CSNK2A2IP: variants seen among roughly 807,000 people sequenced by gnomAD.
CSNK2A2IP encodes casein kinase 2 subunit alpha' interacting protein.
the CSNK2A2IP span, among the ~76,000 whole-genome samples, chr3:88,455,029 T>C: frequency 1.5e-4 from 23 of 152,084 alleles, no homozygotes; most frequent in East Asian, 4.1e-3. Flanking sequence ...TAATGTCTTC[T>C]GGCCTTATCC....
chr3:88,449,504 A>G, the CSNK2A2IP span, among the ~76,000 whole-genome samples: 11 of 152,006 alleles, frequency 7.2e-5, no homozygotes, highest in African/African-American at 2.7e-4. Context: ...GTTTTAGGAA[A>G]AATGAAAAAA....
At chr3:88,449,819 AG>A in the CSNK2A2IP span, among the ~76,000 whole-genome samples, 1 of 61,930 alleles carries the variant, frequency 1.6e-5, no homozygotes, top group Non-Finnish European at 3.5e-5. Context: ...TTTTATATCG[AG>A]ACACACACAC....
the CSNK2A2IP span, among the ~76,000 whole-genome samples, chr3:88,457,365 T>A: frequency 0.35 from 53,080 of 151,830 alleles, 10,658 homozygotes; most frequent in Non-Finnish European, 0.47. Flanking sequence ...CCTTTTTTTT[T>A]ATCTATATTT....
the CSNK2A2IP span, among the ~76,000 whole-genome samples, chr3:88,460,525 C>T: frequency 3.2e-3 from 493 of 152,224 alleles, 2 homozygotes; most frequent in African/African-American, 0.011. Flanking sequence ...AATGTTTCAC[C>T]TTTCAGTGCA....
chr3:88,458,620 C>T, the CSNK2A2IP span, among the ~76,000 whole-genome samples: 3 of 151,176 alleles, frequency 2.0e-5, no homozygotes, highest in Non-Finnish European at 4.4e-5. Context: ...ATGTGCTCTT[C>T]TTTTTTTTTA....
At chr3:88,384,738 C>T in the CSNK2A2IP span, among the ~76,000 whole-genome samples, 5 of 152,060 alleles carry the variant, frequency 3.3e-5, no homozygotes, top group Non-Finnish European at 7.4e-5. Flanking sequence ...TAGAGACATG[C>T]TATTTTTCAG....
chr3:88,418,490 G>A, the CSNK2A2IP span, among the ~76,000 whole-genome samples: 1 of 151,528 alleles, frequency 6.6e-6, no homozygotes, highest in Admixed American at 6.6e-5. Flanking sequence ...TCTCTCTTGT[G>A]GGTGTGACTT....
the CSNK2A2IP span, among the ~76,000 whole-genome samples, chr3:88,382,275 A>G: frequency 6.6e-6 from 1 of 152,196 alleles, no homozygotes; most frequent in Non-Finnish European, 1.5e-5. Flanking sequence ...TAGTCAGGAC[A>G]TCAGTATTGA....
chr3:88,386,068 T>C, the CSNK2A2IP span, among the ~76,000 whole-genome samples: 1 of 152,184 alleles, frequency 6.6e-6, no homozygotes, highest in Non-Finnish European at 1.5e-5. Context: ...CTGAGAAATA[T>C]GGCAGTCCAT....
At chr3:88,360,837 G>A in the CSNK2A2IP span, among the ~76,000 whole-genome samples, 62,244 of 150,996 alleles carry the variant, frequency 0.41, 14,676 homozygotes, top group South Asian at 0.6. Flanking sequence ...TATTTTTAAC[G>A]TTTTCATTGT....
the CSNK2A2IP span, among the ~76,000 whole-genome samples, chr3:88,385,713 G>A: frequency 6.6e-6 from 1 of 152,186 alleles, no homozygotes; most frequent in Admixed American, 6.5e-5. Context: ...TCAAGAAGAT[G>A]AGAGCCGTTG....
the CSNK2A2IP span, among the ~76,000 whole-genome samples, chr3:88,378,566 C>T: frequency 2.0e-5 from 3 of 151,834 alleles, no homozygotes; most frequent in African/African-American, 7.3e-5. Context: ...AATTTAATTT[C>T]AATTAATTAA....
chr3:88,405,476 C>T, the CSNK2A2IP span, among the ~76,000 whole-genome samples: 1 of 152,108 alleles, frequency 6.6e-6, no homozygotes, highest in East Asian at 1.9e-4. Context: ...GTTAACTCTG[C>T]GTCTTGATCA....
At chr3:88,443,703 T>A in the CSNK2A2IP span, among the ~76,000 whole-genome samples, 1 of 152,094 alleles carries the variant, frequency 6.6e-6, no homozygotes, top group Non-Finnish European at 1.5e-5. Flanking sequence ...CAGGGCCAGC[T>A]CATTGCTCTT....
the CSNK2A2IP span, among the ~76,000 whole-genome samples, chr3:88,419,974 A>G: frequency 6.6e-6 from 1 of 152,180 alleles, no homozygotes; most frequent in Non-Finnish European, 1.5e-5. Context: ...AAACCAATAC[A>G]TTCACACTCC....
the CSNK2A2IP span, among the ~76,000 whole-genome samples, chr3:88,377,282 A>G: frequency 1.3e-5 from 2 of 151,762 alleles, no homozygotes; most frequent in Non-Finnish European, 2.9e-5. Flanking sequence ...TTCTCACTAT[A>G]TACTGGTGCC....
the CSNK2A2IP span, among the ~76,000 whole-genome samples, chr3:88,360,292 C>T: frequency 1.3e-5 from 2 of 151,950 alleles, no homozygotes; most frequent in African/African-American, 2.4e-5. Context: ...CACCACAACG[C>T]CCGGCTATTT....
chr3:88,401,561 C>A, the CSNK2A2IP span, among the ~76,000 whole-genome samples: 6 of 152,006 alleles, frequency 3.9e-5, no homozygotes, highest in African/African-American at 1.4e-4. Context: ...CTGCTACTAC[C>A]ATGGAAATAT....
the CSNK2A2IP span, among the ~76,000 whole-genome samples, chr3:88,438,597 C>G: frequency 3.7e-4 from 57 of 152,208 alleles, no homozygotes; most frequent in African/African-American, 1.3e-3. Context: ...GAAGGAAGAC[C>G]GCACAGAGAA....
Sources: gnomAD v4.1 joint callset for allele counts (sites outside exome capture counted in the v4.1 genomes callset) on GRCh38, gnomAD v4.1.1 for gene constraint, MANE v1.5 for transcripts, NCBI Gene and HGNC (gene_info 2026-07-23, HGNC 2026-07-21) for gene names.